The following SH3PXD2A variants were observed in gnomAD, a reference collection of about 807,000 sequenced individuals.
SH3PXD2A encodes SH3 and PX domain-containing protein 2A.
Under a neutral mutation model 115.2 loss-of-function variants are expected in SH3PXD2A, and 32 were observed. The observed-to-expected ratio is 0.28, with a 90% CI of 0.21 to 0.37. The LOEUF is 0.37. SH3PXD2A is among the 10% of genes least tolerant of loss of function. The pLI is 1.00. For missense variants in SH3PXD2A, 1,328 were observed against 1,498.7 expected (o/e 0.89, Z 1.88); for synonymous variants, 610 against 629.1 (o/e 0.97, Z 0.45).
chr10:103,614,614 C>T (rs2036480394), intron 11 of SH3PXD2A, among the ~76,000 whole-genome samples: 1 of 152,164 alleles, frequency 6.6e-6, no homozygotes, highest in Non-Finnish European at 1.5e-5. Context: ...TGAGTTTTCA[C>T]CCAAACCCAT....
intron 2 of SH3PXD2A, among the ~76,000 whole-genome samples, chr10:103,782,578 A>G (rs2038941017): frequency 6.6e-6 from 1 of 152,056 alleles, no homozygotes; most frequent in Non-Finnish European, 1.5e-5. Flanking sequence ...CACACACTAT[A>G]TGGCAGGTAC....
chr10:103,661,167 G>A, intron 7 of SH3PXD2A, 53 bp from the exon 8 acceptor site: 2 of 1,591,768 alleles, frequency 1.3e-6, no homozygotes, highest in South Asian at 1.1e-5. Flanking sequence ...TGGCCCCGCG[G>A]CCAGGGCGCC....
intron 3 of SH3PXD2A, chr10:103,755,404 A>G (rs1025501183): frequency 6.6e-6 from 1 of 152,268 alleles, no homozygotes; most frequent in African/African-American, 2.4e-5. Context: ...GAGTCACACA[A>G]CTATGAAGAG....
At chr10:103,845,090 G>T (rs1356019280) in intron 1 of SH3PXD2A, among the ~76,000 whole-genome samples, 2 of 151,940 alleles carry the variant, frequency 1.3e-5, no homozygotes, top group Non-Finnish European at 2.9e-5. Flanking sequence ...TTGGGAGGCT[G>T]AGCCAGGCAG....
chr10:103,760,062 C>T (rs1406212308), intron 3 of SH3PXD2A, among the ~76,000 whole-genome samples: 42 of 152,218 alleles, frequency 2.8e-4, no homozygotes, highest in Admixed American at 2.6e-3. Flanking sequence ...TAGTGCCTTG[C>T]TCTGGGGCAT....
intron 14 of SH3PXD2A, among the ~76,000 whole-genome samples, chr10:103,604,305 T>C (rs1028825900): frequency 2.6e-5 from 4 of 152,196 alleles, no homozygotes; most frequent in African/African-American, 9.6e-5. Context: ...CTGCAGAGCC[T>C]TTCCCCAGGA....
intron 6 of SH3PXD2A, among the ~76,000 whole-genome samples, chr10:103,684,531 C>T (rs1340086061): frequency 1.3e-5 from 2 of 151,658 alleles, no homozygotes; most frequent in Non-Finnish European, 2.9e-5. Flanking sequence ...GCTAATTTTT[C>T]GTATTTTTAG....
intron 7 of SH3PXD2A, chr10:103,661,912 C>A (rs879761180): frequency 1.0e-6 from 1 of 985,362 alleles, no homozygotes; most frequent in Admixed American, 6.1e-5. Flanking sequence ...GCCCGCCCCC[C>A]GCCAACTTTT....
chr10:103,645,870 T>C (rs1021709302), intron 8 of SH3PXD2A, among the ~76,000 whole-genome samples: 8 of 152,102 alleles, frequency 5.3e-5, no homozygotes, highest in African/African-American at 1.7e-4. Flanking sequence ...ATACCAAAAA[T>C]AGCTCCACAA....
chr10:103,728,085 G>A (rs1254701174), intron 4 of SH3PXD2A, among the ~76,000 whole-genome samples: 1 of 152,236 alleles, frequency 6.6e-6, no homozygotes, highest in Non-Finnish European at 1.5e-5. Flanking sequence ...CATTCATGAT[G>A]TATGCCACGT....
chr10:103,843,602 T>C (rs7905790), intron 1 of SH3PXD2A, among the ~76,000 whole-genome samples: 132,619 of 152,216 alleles, frequency 0.87, 58,914 homozygotes, highest in East Asian at 0.99. Context: ...TTATCATATC[T>C]TAACATCCGC....
At chr10:103,607,152 G>A (rs1326963066) in intron 13 of SH3PXD2A, among the ~76,000 whole-genome samples, 4 of 143,178 alleles carry the variant, frequency 2.8e-5, no homozygotes, top group South Asian at 4.5e-4. Context: ...CTGCCGCCCC[G>A]TCTGGGATGT....
At chr10:103,648,812 G>C (rs2037075786) in intron 8 of SH3PXD2A, among the ~76,000 whole-genome samples, 1 of 152,212 alleles carries the variant, frequency 6.6e-6, no homozygotes, top group Non-Finnish European at 1.5e-5. Flanking sequence ...CTTTTGTCAG[G>C]GGAGAAAATG....
intron 8 of SH3PXD2A, among the ~76,000 whole-genome samples, chr10:103,636,474 A>G (rs1398003361): frequency 6.6e-6 from 1 of 151,792 alleles, no homozygotes; most frequent in Non-Finnish European, 1.5e-5. Flanking sequence ...ACAGAGAGAC[A>G]GAGGGAAATG....
chr10:103,702,633 A>C (rs897596766), intron 5 of SH3PXD2A, among the ~76,000 whole-genome samples: 6 of 85,144 alleles, frequency 7.0e-5, no homozygotes, highest in Non-Finnish European at 1.3e-4. Flanking sequence ...TGCGGAGGGC[A>C]AGAAGGCTGT....
chr10:103,831,711 G>A (rs2039484189), intron 1 of SH3PXD2A, among the ~76,000 whole-genome samples: 1 of 152,070 alleles, frequency 6.6e-6, no homozygotes, highest in East Asian at 1.9e-4. Flanking sequence ...TGTTTTTTTA[G>A]TATATTCACA....
intron 6 of SH3PXD2A, among the ~76,000 whole-genome samples, chr10:103,679,097 A>G (rs1162441819): frequency 6.6e-6 from 1 of 152,202 alleles, no homozygotes; most frequent in Non-Finnish European, 1.5e-5. Flanking sequence ...TAGAAAGCTC[A>G]GTAAATTAGG....
chr10:103,668,760 CCAGCCGCGGGCGG>C, intron 6 of SH3PXD2A, 108 bp from the exon 7 acceptor site: 1 of 1,009,054 alleles, frequency 9.9e-7, no homozygotes, highest in Non-Finnish European at 1.5e-6. Flanking sequence ...CCGCGCTCGG[CCAGCCGCGGGCGG>C]AAGGCGGAGG....
intron 8 of SH3PXD2A, among the ~76,000 whole-genome samples, chr10:103,648,819 A>G (rs2037075966): frequency 1.3e-5 from 2 of 152,278 alleles, no homozygotes; most frequent in African/African-American, 4.8e-5. Flanking sequence ...CAGGGGAGAA[A>G]ATGCACGTGC....
Sources: allele counts gnomAD v4.1 joint callset (sites outside exome capture counted in the v4.1 genomes callset), GRCh38; gene constraint gnomAD v4.1.1; transcripts MANE v1.5; gene names NCBI Gene and HGNC (gene_info 2026-07-23, HGNC 2026-07-21).